Variants in CNTNAP2 observed in about 807,000 individuals in gnomAD.
CNTNAP2 encodes the protein contactin-associated protein-like 2.
A neutral mutation model predicts 155.2 loss-of-function variants in CNTNAP2; 98 were observed. The ratio of observed to expected loss-of-function variants is 0.63; its 90% CI spans 0.54 to 0.75. CNTNAP2 has a LOEUF of 0.75. CNTNAP2 is among the 30% of genes least tolerant of loss of function. The pLI is 0.00. For missense variants in CNTNAP2, 1,727 were observed against 1,688.1 expected (o/e 1.02, Z -0.40); for synonymous variants, 651 against 631.2 (o/e 1.03, Z -0.47).
At chr7:146,839,659 C>A (rs1291810218) in intron 2 of CNTNAP2, 52 bp from the exon 3 acceptor site, 1 of 1,585,644 alleles carries the variant, frequency 6.3e-7, no homozygotes, top group East Asian at 2.2e-5. Flanking sequence ...GTCAGTTGTA[C>A]AAGTTCAAAT....
At chr7:148,148,067 G>A (rs1805226509) in intron 17 of CNTNAP2, among the ~76,000 whole-genome samples, 1 of 138,388 alleles carries the variant, frequency 7.2e-6, no homozygotes, top group Middle Eastern at 3.6e-3. Flanking sequence ...GGAAGGAAAG[G>A]AAGGAAGGAA....
At chr7:146,336,741 C>G (rs1801282965) in intron 1 of CNTNAP2, among the ~76,000 whole-genome samples, 1 of 152,130 alleles carries the variant, frequency 6.6e-6, no homozygotes, top group Admixed American at 6.6e-5. Flanking sequence ...TCATGAAATA[C>G]TGCTCAGCAA....
rs1045757636 is a variant in CNTNAP2, at chr7:147,736,177, G to A, written c.2098+96871G>A. Among the ~76,000 whole-genome samples, 4 of 151,972 alleles carry A rather than the reference G, an allele frequency of 2.6e-5. 1 individual carries two copies. Among genetic ancestry groups the A allele is most frequent in the South Asian group, 2.1e-4 (1 of 4,776 alleles). On this transcript the variant is annotated intron_variant, in intron 13 of 23. Coordinates refer to ENST00000361727, the MANE Select transcript of CNTNAP2 (RefSeq NM_014141.6). Reference sequence around the variant, plus strand: ...GCTGTTACTGGTTGTTCCTTTCCATGTTTAGTGCTTCCTTCAGGAGCTCTT... The same window carrying A: ...GCTGTTACTGGTTGTTCCTTTCCATATTTAGTGCTTCCTTCAGGAGCTCTT...
chr7:148,285,979 GT>G (rs1391085255), intron 21 of CNTNAP2, among the ~76,000 whole-genome samples: 2 of 152,074 alleles, frequency 1.3e-5, no homozygotes, highest in East Asian at 3.8e-4. Flanking sequence ...ATTATATACT[GT>G]ATTCTTATAA....
At chr7:146,317,455 C>T (rs1193425259) in intron 1 of CNTNAP2, among the ~76,000 whole-genome samples, 1 of 152,080 alleles carries the variant, frequency 6.6e-6, no homozygotes, top group East Asian at 1.9e-4. Context: ...CCTTTTCTGA[C>T]ACTCCTTTTG....
At chr7:147,573,173 T>C (rs1800326510) in intron 12 of CNTNAP2, among the ~76,000 whole-genome samples, 1 of 152,150 alleles carries the variant, frequency 6.6e-6, no homozygotes, top group South Asian at 2.1e-4. Flanking sequence ...TGCATAAAAG[T>C]ACTTGTCTCA....
intron 8 of CNTNAP2, among the ~76,000 whole-genome samples, chr7:147,242,293 G>T (rs1803955124): frequency 6.6e-6 from 1 of 152,052 alleles, no homozygotes; most frequent in African/African-American, 2.4e-5. Flanking sequence ...TTTAATACAG[G>T]TCTTTGTTCT....
intron 1 of CNTNAP2, among the ~76,000 whole-genome samples, chr7:146,755,900 C>G (rs557758049): frequency 8.6e-5 from 13 of 151,790 alleles, no homozygotes; most frequent in Non-Finnish European, 1.8e-4. Flanking sequence ...TGTTTATTTG[C>G]CATATCGTTG....
intron 3 of CNTNAP2, among the ~76,000 whole-genome samples, chr7:146,924,756 G>C (rs914640503): frequency 6.6e-6 from 1 of 151,926 alleles, no homozygotes; most frequent in Non-Finnish European, 1.5e-5. Context: ...CTCATTTAAA[G>C]ACCTGAAGAG....
At chr7:147,940,286 G>A (rs1800694841) in intron 14 of CNTNAP2, 1 of 106,794 alleles carries the variant, frequency 9.4e-6, no homozygotes. Context: ...GGATACCATA[G>A]CAAGACCCTG....
At chr7:146,856,620 A>C (rs1322749920) in intron 3 of CNTNAP2, among the ~76,000 whole-genome samples, 1 of 152,192 alleles carries the variant, frequency 6.6e-6, no homozygotes, top group African/African-American at 2.4e-5. Context: ...TAATATTTAC[A>C]CAAGAGAAAT....
chr7:147,154,153 A>T (rs1032337276), intron 8 of CNTNAP2, among the ~76,000 whole-genome samples: 1 of 152,198 alleles, frequency 6.6e-6, no homozygotes, highest in Non-Finnish European at 1.5e-5. Flanking sequence ...AATAACATTC[A>T]TAATGGCATT....
At chr7:146,691,702 G>C (rs1041235101) in intron 1 of CNTNAP2, among the ~76,000 whole-genome samples, 1 of 152,032 alleles carries the variant, frequency 6.6e-6, no homozygotes, top group Non-Finnish European at 1.5e-5. Context: ...GAATGTTAGA[G>C]CCAGGTTCGT....
intron 3 of CNTNAP2, among the ~76,000 whole-genome samples, chr7:147,006,293 C>T (rs1468600593): frequency 6.6e-6 from 1 of 151,960 alleles, no homozygotes; most frequent in Non-Finnish European, 1.5e-5. Context: ...GTTTGTTATA[C>T]AGATTTATGT....
intron 1 of CNTNAP2, among the ~76,000 whole-genome samples, chr7:146,532,747 A>G (rs1797787641): frequency 6.6e-6 from 1 of 151,862 alleles, no homozygotes; most frequent in Non-Finnish European, 1.5e-5. Flanking sequence ...ATTATCAGAC[A>G]CTCCACCACC....
intron 4 of CNTNAP2, among the ~76,000 whole-genome samples, chr7:147,062,139 A>AAC (rs1799692946): frequency 1.5e-5 from 1 of 68,602 alleles, no homozygotes; most frequent in Non-Finnish European, 2.9e-5. Flanking sequence ...AAAAAAAAAA[A>AAC]AAAAAAAAAA....
At chr7:147,526,352 A>C (rs1218623398) in intron 11 of CNTNAP2, among the ~76,000 whole-genome samples, 1 of 152,174 alleles carries the variant, frequency 6.6e-6, no homozygotes, top group Non-Finnish European at 1.5e-5. Context: ...AGGTAGAAGA[A>C]AATTAAGCAG....
intron 8 of CNTNAP2, among the ~76,000 whole-genome samples, chr7:147,146,963 A>G (rs1484538220): frequency 6.6e-6 from 1 of 152,170 alleles, no homozygotes. Context: ...CCCACAATTG[A>G]TGATTGTATG....
chr7:146,161,568 G>A (rs945547019), intron 1 of CNTNAP2, among the ~76,000 whole-genome samples: 2 of 152,100 alleles, frequency 1.3e-5, no homozygotes, highest in African/African-American at 4.8e-5. Context: ...AATCAATATT[G>A]TGAAAATGGC....
Sources: allele counts gnomAD v4.1 joint callset (sites outside exome capture counted in the v4.1 genomes callset), GRCh38; gene constraint gnomAD v4.1.1; transcripts MANE v1.5; gene names NCBI Gene and HGNC (gene_info 2026-07-23, HGNC 2026-07-21).